OR1B1: variants seen among roughly 807,000 people sequenced by gnomAD.
OR1B1 encodes olfactory receptor family 1 subfamily B member 1.
For synonymous variants in OR1B1, 168 were observed against 156.2 expected (o/e 1.08, Z -0.57); for missense variants, 414 against 402.1 (o/e 1.03, Z -0.25).
At chr9:122,656,408 C>T in the OR1B1 span, among the ~76,000 whole-genome samples, 1 of 152,078 alleles carries the variant, frequency 6.6e-6, no homozygotes, top group Admixed American at 6.6e-5. Flanking sequence ...TATCTTTTCT[C>T]ATGAACCCTT....
At chr9:122,656,082 T>A in the OR1B1 span, among the ~76,000 whole-genome samples, 2 of 152,190 alleles carry the variant, frequency 1.3e-5, no homozygotes, top group Non-Finnish European at 2.9e-5. Flanking sequence ...CTCTAGGAAT[T>A]TATGTAGCTA....
chr9:122,631,399 G>A (rs1329506009), upstream of OR1B1, among the ~76,000 whole-genome samples: 3 of 151,654 alleles, frequency 2.0e-5, no homozygotes, highest in Admixed American at 6.6e-5. Context: ...GGATGGTCTC[G>A]ATCTCCTGAC....
the OR1B1 span, among the ~76,000 whole-genome samples, chr9:122,647,936 C>T: frequency 6.6e-6 from 1 of 152,262 alleles, no homozygotes; most frequent in Non-Finnish European, 1.5e-5. Context: ...GTTTATATAT[C>T]AAGAGTAAAT....
upstream of OR1B1, among the ~76,000 whole-genome samples, chr9:122,630,659 C>A (rs1423519295): frequency 3.9e-5 from 6 of 152,108 alleles, no homozygotes; most frequent in Non-Finnish European, 7.4e-5. Flanking sequence ...TAGTACCTAA[C>A]TTCTCTTAGA....
At chr9:122,636,010 A>G in the OR1B1 span, among the ~76,000 whole-genome samples, 1 of 152,214 alleles carries the variant, frequency 6.6e-6, no homozygotes, top group Non-Finnish European at 1.5e-5. Flanking sequence ...GAAAAAATAA[A>G]AAAGCATTTT....
exon 1 of OR1B1, chr9:122,629,091 A>G (rs762028324): frequency 4.4e-5 from 71 of 1,613,968 alleles, no homozygotes; most frequent in Non-Finnish European, 5.8e-5. Flanking sequence ...ACCCAGCTCA[A>G]GGCTAGTAAG....
the OR1B1 span, among the ~76,000 whole-genome samples, chr9:122,635,534 C>T: frequency 6.6e-6 from 1 of 151,810 alleles, no homozygotes; most frequent in East Asian, 1.9e-4. Context: ...GTTCTTACCA[C>T]AAAAAAATAG....
the OR1B1 span, among the ~76,000 whole-genome samples, chr9:122,647,712 T>C: frequency 6.6e-6 from 1 of 152,298 alleles, no homozygotes; most frequent in South Asian, 2.1e-4. Flanking sequence ...CGATGCACTG[T>C]GTGTAACTCA....
the OR1B1 span, chr9:122,639,710 AATTT>A: frequency 1.3e-5 from 2 of 150,426 alleles, no homozygotes; most frequent in African/African-American, 4.9e-5. Context: ...TAATCTATCA[AATTT>A]AATTTCAATA....
the OR1B1 span, among the ~76,000 whole-genome samples, chr9:122,648,463 G>A: frequency 6.6e-6 from 1 of 152,266 alleles, no homozygotes; most frequent in East Asian, 1.9e-4. Context: ...CACAGAATGG[G>A]CAAAAGCTGG....
At chr9:122,634,701 G>A in the OR1B1 span, among the ~76,000 whole-genome samples, 10 of 152,226 alleles carry the variant, frequency 6.6e-5, no homozygotes, top group East Asian at 1.9e-4. Context: ...TGGGGACACA[G>A]GGCCAAACCA....
At chr9:122,657,378 A>T in the OR1B1 span, among the ~76,000 whole-genome samples, 1 of 151,712 alleles carries the variant, frequency 6.6e-6, no homozygotes, top group African/African-American at 2.4e-5. Flanking sequence ...AGATACTACA[A>T]CTGGTTATTA....
chr9:122,628,840 T>G (rs781653947), exon 1 of OR1B1: 34 of 1,613,784 alleles, frequency 2.1e-5, no homozygotes, highest in Non-Finnish European at 2.9e-5. Context: ...AAGGCAAACG[T>G]AGAATAGCGG....
At chr9:122,637,153 A>T in the OR1B1 span, 2 of 152,088 alleles carry the variant, frequency 1.3e-5, no homozygotes, top group East Asian at 3.9e-4. Flanking sequence ...GAGGGATGCG[A>T]CTGTCTTCAT....
chr9:122,651,649 A>C, the OR1B1 span, among the ~76,000 whole-genome samples: 2 of 152,186 alleles, frequency 1.3e-5, no homozygotes, highest in African/African-American at 4.8e-5. Context: ...TGAGAAATTA[A>C]CTCATCACTT....
At chr9:122,649,440 G>T in the OR1B1 span, among the ~76,000 whole-genome samples, 1 of 152,172 alleles carries the variant, frequency 6.6e-6, no homozygotes, top group Non-Finnish European at 1.5e-5. Context: ...CACAGCAAAA[G>T]AAACTATCAT....
At chr9:122,653,716 G>C in the OR1B1 span, among the ~76,000 whole-genome samples, 2 of 152,092 alleles carry the variant, frequency 1.3e-5, no homozygotes, top group South Asian at 4.2e-4. Context: ...TATTTCCCTT[G>C]GTAATATCTG....
At chr9:122,642,949 A>G in the OR1B1 span, among the ~76,000 whole-genome samples, 14 of 152,210 alleles carry the variant, frequency 9.2e-5, no homozygotes, top group African/African-American at 3.4e-4. Context: ...AAGGACTAGA[A>G]TATTTTACCT....
chr9:122,652,291 CTGAT>C, the OR1B1 span, among the ~76,000 whole-genome samples: 5 of 152,242 alleles, frequency 3.3e-5, no homozygotes, highest in Admixed American at 1.3e-4. Context: ...TTTTATATGA[CTGAT>C]TGCTAGAAAA....
Sources: allele counts gnomAD v4.1 joint callset (sites outside exome capture counted in the v4.1 genomes callset), GRCh38; gene constraint gnomAD v4.1.1; transcripts MANE v1.5; gene names NCBI Gene and HGNC (gene_info 2026-07-23, HGNC 2026-07-21).